VIPR2: variants seen among roughly 807,000 people sequenced by gnomAD.
VIPR2 encodes vasoactive intestinal peptide receptor 2, also known as vasoactive intestinal polypeptide receptor 2.
Under a neutral mutation model 58.0 loss-of-function variants are expected in VIPR2, and 48 were observed. That is an observed-to-expected ratio of 0.83 (90% CI 0.66 to 1.05). VIPR2 has a LOEUF of 1.05. Ranked by LOEUF, VIPR2 falls within the 50% of genes least tolerant of loss-of-function variation. VIPR2 has a pLI of 0.00. For synonymous variants in VIPR2, 243 were observed against 235.2 expected (o/e 1.03, Z -0.30); for missense variants, 534 against 558.0 (o/e 0.96, Z 0.43).
At position 159,093,923 on chromosome 7, in the gene VIPR2, C is replaced by T. The variant is rs1857661442; in HGVS notation, c.357+9834G>A. On this transcript the variant is annotated intron_variant, in intron 4 of 12. Coordinates refer to ENST00000262178, the MANE Select transcript of VIPR2 (RefSeq NM_003382.5). This position sits in a 1 kb window ranked among gnomAD's most constrained non-coding sequence, Gnocchi z 6.7. ...CCCCTCGTGACTCCCTCTTTCAGGGCTGGTGGTCATGTCTGCGTGATGGAA... is the reference window on the plus strand; with the variant it reads ...CCCCTCGTGACTCCCTCTTTCAGGGTTGGTGGTCATGTCTGCGTGATGGAA... Among the ~76,000 whole-genome samples, 1 of 152,188 alleles carries T rather than the reference C, an allele frequency of 6.6e-6. No homozygotes were observed. The highest frequency in any genetic ancestry group is 1.5e-5 in the Non-Finnish European group (1 of 68,034).
At chr7:159,080,370 A>G (rs1357990047) in intron 4 of VIPR2, among the ~76,000 whole-genome samples, 1 of 152,236 alleles carries the variant, frequency 6.6e-6, no homozygotes, top group African/African-American at 2.4e-5. Flanking sequence ...CAAAAACCAC[A>G]TGATTATCTC....
rs1858034792 is a variant in VIPR2, at chr7:159,098,909, A to T, written c.357+4848T>A. ...GGACGAAGCGTGAGCTCCGGGCAGG[A>T]GAAACTCTGTTCAGTTCAGCTCCCA... On this transcript the variant is annotated intron_variant, in intron 4 of 12. Transcript: ENST00000262178. The surrounding 1 kb of genome is among the most constrained non-coding windows in gnomAD (Gnocchi z 5.2). Among the ~76,000 whole-genome samples the T allele has an allele frequency of 6.6e-6, 1 of 152,214 alleles. No individual in the cohort carries two copies. Among genetic ancestry groups the T allele is most frequent in the Non-Finnish European group, 1.5e-5 (1 of 68,038 alleles).
At chr7:159,058,433 T>G (rs1307815718) in intron 5 of VIPR2, 48 bp downstream of exon 5, 10 of 1,566,944 alleles carry the variant, frequency 6.4e-6, no homozygotes, top group Non-Finnish European at 8.8e-6. Context: ...AAATGGAAAC[T>G]TTGCTTGTCT....
intron 5 of VIPR2, among the ~76,000 whole-genome samples, chr7:159,044,326 C>G (rs910391351): frequency 6.6e-6 from 1 of 152,056 alleles, no homozygotes; most frequent in African/African-American, 2.4e-5. Context: ...CAGCTACAAC[C>G]GGCAGCAAGA....
chr7:159,117,321 T>C, intron 2 of VIPR2: 1 of 717,504 alleles, frequency 1.4e-6, no homozygotes, highest in East Asian at 2.7e-5. Flanking sequence ...ATAAAAGCAC[T>C]GGTCATGGAG....
At chr7:159,118,803 C>T (rs538518854) in intron 2 of VIPR2, among the ~76,000 whole-genome samples, 1 of 152,360 alleles carries the variant, frequency 6.6e-6, no homozygotes, top group Non-Finnish European at 1.5e-5. Flanking sequence ...GGTCACTTGG[C>T]GCGGGTGCAC....
In VIPR2 at chr7:159,096,438, T is replaced by C. The variant is rs1857851078; in HGVS notation, c.357+7319A>G. Among the ~76,000 whole-genome samples, 1 of 152,222 alleles carries C rather than the reference T, an allele frequency of 6.6e-6. No individual in the cohort carries two copies. Among genetic ancestry groups the C allele is most frequent in the Non-Finnish European group, 1.5e-5 (1 of 68,040 alleles). ...CACATCATCCTGGTGTGCTCCTCCATCCTTCCACCTTCCTGATCATGTGGA... is the reference window on the plus strand; with the variant it reads ...CACATCATCCTGGTGTGCTCCTCCACCCTTCCACCTTCCTGATCATGTGGA... On this transcript the variant is annotated intron_variant, in intron 4 of 12. Coordinates refer to ENST00000262178, the MANE Select transcript of VIPR2 (RefSeq NM_003382.5). This position sits in a 1 kb window ranked among gnomAD's most constrained non-coding sequence, Gnocchi z 5.5.
chr7:159,132,565 A>G (rs1237147523), intron 2 of VIPR2, among the ~76,000 whole-genome samples: 1 of 152,236 alleles, frequency 6.6e-6, no homozygotes, highest in South Asian at 2.1e-4. Flanking sequence ...CCAGCTAATT[A>G]TATGTTCAGA....
chr7:159,100,197 G>A (rs1006731042), intron 4 of VIPR2, among the ~76,000 whole-genome samples: 1 of 152,190 alleles, frequency 6.6e-6, no homozygotes, highest in African/African-American at 2.4e-5. Context: ...GACTGCATGG[G>A]AATCAGACTA....
chr7:159,144,304 G>A, intron 1 of VIPR2: 2 of 1,500,904 alleles, frequency 1.3e-6, no homozygotes, highest in South Asian at 2.6e-5. Context: ...TAACCAGTAA[G>A]TACAGGGAGG....
intron 4 of VIPR2, among the ~76,000 whole-genome samples, chr7:159,072,393 TA>T (rs1274481085): frequency 1.4e-4 from 21 of 152,094 alleles, no homozygotes; most frequent in Non-Finnish European, 5.9e-5. Context: ...AGAAAAACAG[TA>T]AACATCTGAA....
chr7:159,063,983 A>AG (rs1855925988), intron 4 of VIPR2, among the ~76,000 whole-genome samples: 1 of 151,212 alleles, frequency 6.6e-6, no homozygotes, highest in South Asian at 2.1e-4. Flanking sequence ...CCCGGTGCTC[A>AG]CACCGGGCTG....
chr7:159,114,926 G>A (rs1796181705), intron 2 of VIPR2, among the ~76,000 whole-genome samples: 1 of 152,208 alleles, frequency 6.6e-6, no homozygotes. Context: ...TGAGGAGCCA[G>A]GTTGGGTACC....
chr7:159,054,054 G>A (rs1442632853), intron 5 of VIPR2, among the ~76,000 whole-genome samples: 4 of 152,164 alleles, frequency 2.6e-5, no homozygotes, highest in African/African-American at 7.2e-5. Context: ...GAGCAGAACC[G>A]GGACTCGAGG....
intron 2 of VIPR2, among the ~76,000 whole-genome samples, chr7:159,140,936 C>CT (rs11386700): frequency 0.15 from 22,154 of 149,584 alleles, 3,034 homozygotes; most frequent in African/African-American, 0.37. Context: ...CCCTCAAAAT[C>CT]TTTTTTTTTT....
In VIPR2 at chr7:159,032,027, C is replaced by T. The variant is rs1462528652; in HGVS notation, c.1012G>A (p.Gly338Ser). ...ACGGCAAACACCATGTAGTGGACGC[C>T]GAACAGCGGGATAAGCAGGAGCGTG... Reference protein sequence around the residue: ...KSTLLLIPLFGVHYMVFAVFP... With the variant: ...KSTLLLIPLFSVHYMVFAVFP... The change falls in exon 11 of 13, where the codon GGC (glycine) becomes AGC (serine). Residue 338 changes from glycine to serine, a missense_variant. Physicochemically the swap from Gly to Ser is moderately conservative, Grantham distance 56. Transcript: ENST00000262178. 3.1e-6 allele frequency: 5 copies of T among 1,613,962 alleles called. No homozygotes were observed. The highest frequency in any genetic ancestry group is 2.2e-5 in the East Asian group (1 of 44,866).
chr7:159,029,139 C>G lies in VIPR2; in HGVS notation c.*1477G>C, dbSNP rs1316659835. ...TGCCTCCCGGCACAGCTGTCCCGAC[C>G]TTTGACATCGCGCCCCAGCTGGGGT... is the stretch of plus-strand genomic sequence containing the variant. On this transcript the variant is annotated 3_prime_UTR_variant, in exon 13 of 13. Coordinates refer to ENST00000262178, the MANE Select transcript of VIPR2 (RefSeq NM_003382.5). 6.6e-6 allele frequency: 1 copy of G among 152,268 alleles called. No individual in the cohort carries two copies. Among genetic ancestry groups the G allele is most frequent in the African/African-American group, 2.4e-5 (1 of 41,464 alleles). The allele number at this position is 152,268 out of a possible 1,614,324, so 9.4% of individuals were successfully genotyped here. A position where few individuals can be genotyped will look rare whatever the true frequency, so the allele number is the denominator to read the frequency against.
chr7:159,061,812 G>A (rs923722900), intron 4 of VIPR2, among the ~76,000 whole-genome samples: 6 of 152,234 alleles, frequency 3.9e-5, no homozygotes, highest in Non-Finnish European at 7.3e-5. Context: ...TCAGCGGGAG[G>A]GCGAGCCGCG....
intron 3 of VIPR2, 54 bp downstream of exon 3, chr7:159,109,758 C>T (rs1180901797): frequency 2.5e-5 from 38 of 1,521,352 alleles, no homozygotes; most frequent in East Asian, 1.6e-4. Flanking sequence ...AAAAAATGGA[C>T]GCTCAGATGC....
Sources: gnomAD v4.1 joint callset for allele counts (sites outside exome capture counted in the v4.1 genomes callset) on GRCh38, gnomAD v4.1.1 for gene constraint, Gnocchi (gnomAD v3.1) non-coding constraint, MANE v1.5 for transcripts, NCBI Gene and HGNC (gene_info 2026-07-23, HGNC 2026-07-21) for gene names.